Variants in HEMK2 observed in about 807,000 individuals in gnomAD.
HEMK2 encodes the protein HemK methyltransferase 2, ETF1 glutamine and histone H4 lysine, also known as methyltransferase HEMK2.
the HEMK2 span, among the ~76,000 whole-genome samples, chr21:28,837,010 T>C: frequency 1.1e-4 from 16 of 152,122 alleles, no homozygotes; most frequent in African/African-American, 3.6e-4. Flanking sequence ...TCTGAAAATA[T>C]ATGCACCTAA....
At chr21:28,722,340 G>A in the HEMK2 span, among the ~76,000 whole-genome samples, 1 of 152,108 alleles carries the variant, frequency 6.6e-6, no homozygotes, top group African/African-American at 2.4e-5. Context: ...TAAGGTGCTA[G>A]GTAAATGAAG....
At chr21:28,609,937 G>T in the HEMK2 span, among the ~76,000 whole-genome samples, 3 of 152,176 alleles carry the variant, frequency 2.0e-5, no homozygotes, top group African/African-American at 7.2e-5. Context: ...AGAATAATTG[G>T]TGTTCCTGAG....
At chr21:28,621,656 G>A in the HEMK2 span, among the ~76,000 whole-genome samples, 2 of 152,262 alleles carry the variant, frequency 1.3e-5, no homozygotes, top group East Asian at 1.9e-4. Flanking sequence ...GGGGGCAGGG[G>A]GTGGATCTCA....
chr21:28,765,643 C>T, the HEMK2 span, among the ~76,000 whole-genome samples: 1 of 152,012 alleles, frequency 6.6e-6, no homozygotes, highest in African/African-American at 2.4e-5. Flanking sequence ...CACCGACACA[C>T]AATTCCTTGG....
chr21:28,850,217 CTTTT>C, the HEMK2 span, among the ~76,000 whole-genome samples: 5,876 of 94,066 alleles, frequency 0.062, 93 homozygotes, highest in Middle Eastern at 0.13. Flanking sequence ...ATTCAGCATT[CTTTT>C]TTTTTTTTTT....
At chr21:28,713,295 G>A in the HEMK2 span, among the ~76,000 whole-genome samples, 3 of 152,068 alleles carry the variant, frequency 2.0e-5, no homozygotes, top group East Asian at 1.9e-4. Context: ...GGAGGACAGC[G>A]AGAGCAAACA....
chr21:28,607,650 G>A, the HEMK2 span, among the ~76,000 whole-genome samples: 4 of 152,018 alleles, frequency 2.6e-5, no homozygotes, highest in Non-Finnish European at 4.4e-5. Context: ...TAAACTTCAC[G>A]GAGGCAGAAG....
the HEMK2 span, among the ~76,000 whole-genome samples, chr21:28,630,373 T>A: frequency 8.5e-5 from 13 of 152,136 alleles, no homozygotes; most frequent in African/African-American, 3.1e-4. Context: ...CAGTGTGGCA[T>A]TTCCTCAGGG....
chr21:28,835,456 C>T, the HEMK2 span, among the ~76,000 whole-genome samples: 1 of 152,172 alleles, frequency 6.6e-6, no homozygotes, highest in Non-Finnish European at 1.5e-5. Flanking sequence ...AGTACTACAT[C>T]AAGGGAACAA....
the HEMK2 span, among the ~76,000 whole-genome samples, chr21:28,812,031 T>C: frequency 1.3e-4 from 20 of 152,296 alleles, no homozygotes; most frequent in African/African-American, 3.4e-4. Context: ...CACGTGACTA[T>C]TGAAAACATT....
chr21:28,680,131 T>C, the HEMK2 span, among the ~76,000 whole-genome samples: 5 of 151,896 alleles, frequency 3.3e-5, no homozygotes, highest in Non-Finnish European at 7.4e-5. Flanking sequence ...TTGAAAAGAT[T>C]GACAAAATTG....
chr21:28,842,190 T>C, the HEMK2 span, among the ~76,000 whole-genome samples: 1 of 152,170 alleles, frequency 6.6e-6, no homozygotes, highest in Non-Finnish European at 1.5e-5. Flanking sequence ...CTTGACATAA[T>C]GGCTAGCCTA....
chr21:28,804,655 T>A, the HEMK2 span, among the ~76,000 whole-genome samples: 1 of 152,212 alleles, frequency 6.6e-6, no homozygotes, highest in African/African-American at 2.4e-5. Flanking sequence ...CCTAAAATGA[T>A]CTACCCTGTG....
the HEMK2 span, among the ~76,000 whole-genome samples, chr21:28,816,980 T>C: frequency 1.3e-5 from 2 of 152,148 alleles, no homozygotes; most frequent in Non-Finnish European, 2.9e-5. Flanking sequence ...CCATTATATG[T>C]CATGCAGAGT....
chr21:28,876,643 T>C, the HEMK2 span: 1 of 506,466 alleles, frequency 2.0e-6, no homozygotes, highest in South Asian at 3.4e-5. Flanking sequence ...AAAGTGAACT[T>C]GGTCTTCAGC....
the HEMK2 span, among the ~76,000 whole-genome samples, chr21:28,733,258 A>G: frequency 1.9e-4 from 29 of 152,308 alleles, no homozygotes; most frequent in African/African-American, 6.7e-4. Context: ...CAGCCTGGGC[A>G]ACAGAGCAAG....
the HEMK2 span, among the ~76,000 whole-genome samples, chr21:28,705,639 C>G: frequency 6.6e-6 from 1 of 152,146 alleles, no homozygotes; most frequent in East Asian, 1.9e-4. Flanking sequence ...TTACCATAAA[C>G]TTAGAGGTTT....
chr21:28,752,929 G>T, the HEMK2 span, among the ~76,000 whole-genome samples: 2 of 152,228 alleles, frequency 1.3e-5, no homozygotes. Flanking sequence ...TGTGTGCACA[G>T]TGAGCCCATC....
the HEMK2 span, among the ~76,000 whole-genome samples, chr21:28,829,115 A>G: frequency 1.3e-5 from 2 of 152,208 alleles, no homozygotes; most frequent in Admixed American, 1.3e-4. Context: ...GGGATCCTCA[A>G]CAATCTTCAT....
Sources: gnomAD v4.1 joint callset for allele counts (sites outside exome capture counted in the v4.1 genomes callset) on GRCh38, gnomAD v4.1.1 for gene constraint, MANE v1.5 for transcripts, NCBI Gene and HGNC (gene_info 2026-07-23, HGNC 2026-07-21) for gene names.